The following VPS53 variants were observed in gnomAD, a reference collection of about 807,000 sequenced individuals.
The protein encoded by VPS53 is VPS53 subunit of GARP complex.
A neutral mutation model predicts 107.0 loss-of-function variants in VPS53; 70 were observed. The ratio of observed to expected loss-of-function variants is 0.65; its 90% CI spans 0.54 to 0.80. VPS53 has a LOEUF of 0.80. VPS53 is among the 30% of genes least tolerant of loss of function. The pLI, the probability that VPS53 is intolerant of heterozygous loss-of-function variation, is 0.00. For missense variants in VPS53, 917 were observed against 1,049.4 expected (o/e 0.87, Z 1.74); for synonymous variants, 409 against 393.3 (o/e 1.04, Z -0.47).
intron 11 of VPS53, chr17:616,502 G>C (rs986222535): frequency 3.9e-5 from 6 of 152,376 alleles, no homozygotes; most frequent in Admixed American, 1.3e-4. Flanking sequence ...AAAGGCTCAA[G>C]TGTTCCTAGC....
At chr17:585,715 A>T (rs1436095817) in intron 13 of VPS53, among the ~76,000 whole-genome samples, 2 of 152,142 alleles carry the variant, frequency 1.3e-5, no homozygotes, top group African/African-American at 4.8e-5. Flanking sequence ...GATCAAAGAG[A>T]TCTGACAACG....
At chr17:603,296 C>T (rs1968409188) in intron 11 of VPS53, among the ~76,000 whole-genome samples, 1 of 152,138 alleles carries the variant, frequency 6.6e-6, no homozygotes, top group African/African-American at 2.4e-5. Flanking sequence ...GTGGTAGGCG[C>T]CTGTAATCCC....
At chr17:532,564 ACTT>A (rs1245208353) in intron 19 of VPS53, 10 of 646,572 alleles carry the variant, frequency 1.5e-5, no homozygotes, top group South Asian at 1.1e-4. Context: ...CGGCCCAGCC[ACTT>A]CTTCTTATTG....
At chr17:543,385 A>T (rs1910855959) in intron 17 of VPS53, among the ~76,000 whole-genome samples, 1 of 152,202 alleles carries the variant, frequency 6.6e-6, no homozygotes, top group Non-Finnish European at 1.5e-5. Context: ...AATATAAATT[A>T]TGTGCCAGAC....
At chr17:700,583 T>G (rs1047621890) in intron 2 of VPS53, among the ~76,000 whole-genome samples, 1 of 152,146 alleles carries the variant, frequency 6.6e-6, no homozygotes, top group Non-Finnish European at 1.5e-5. Flanking sequence ...TTTGTCTGTA[T>G]TTTATAATTA....
rs184336923 is a variant in VPS53 at position 620,893 on chromosome 17, C to A, written c.1116+2640G>T. Among the ~76,000 whole-genome samples, 153 of 152,194 alleles carry A rather than the reference C, an allele frequency of 1.0e-3. 1 individual carries two copies. Among genetic ancestry groups the A allele is most frequent in the African/African-American group, 3.4e-3 (143 of 41,518 alleles). ...AAAGTGCTGGGATTATAGGCATGAG[C>A]CACCGCACCCGGCCTCTACATTAGA... On this transcript the variant is annotated intron_variant, in intron 11 of 21. Transcript: ENST00000437048.
At chr17:634,589 C>A (rs1255838112) in intron 7 of VPS53, among the ~76,000 whole-genome samples, 3 of 135,634 alleles carry the variant, frequency 2.2e-5, no homozygotes, top group Non-Finnish European at 4.6e-5. Context: ...TGTTCCCCTT[C>A]CTGTGTCCAA....
intron 19 of VPS53, chr17:523,268 T>C (rs544071719): frequency 7.9e-5 from 12 of 152,482 alleles, no homozygotes; most frequent in African/African-American, 2.9e-4. Context: ...CTTAGGAGAA[T>C]GGAACCACAT....
intron 7 of VPS53, among the ~76,000 whole-genome samples, chr17:632,260 C>T (rs1597406689): frequency 6.6e-6 from 1 of 152,082 alleles, no homozygotes; most frequent in Non-Finnish European, 1.5e-5. Flanking sequence ...AAACAAAACA[C>T]TAACAAACAA....
At chr17:619,949 T>C (rs1969398095) in intron 11 of VPS53, among the ~76,000 whole-genome samples, 1 of 151,252 alleles carries the variant, frequency 6.6e-6, no homozygotes, top group Admixed American at 6.6e-5. Context: ...ATTTCCCGGG[T>C]AGCTGGGACT....
chr17:548,235 G>C (rs999304309), intron 17 of VPS53, among the ~76,000 whole-genome samples: 1 of 152,226 alleles, frequency 6.6e-6, no homozygotes, highest in African/African-American at 2.4e-5. Flanking sequence ...AGAGGCCATG[G>C]GATGCCTTCC....
Position 519,028 on chromosome 17 carries a change from C to G in VPS53, c.*100G>C. On this transcript the variant is annotated 3_prime_UTR_variant, in exon 22 of 22. Coordinates refer to ENST00000437048, the MANE Select transcript of VPS53 (RefSeq NM_001128159.3). This position sits in a 1 kb window ranked among gnomAD's most constrained non-coding sequence, Gnocchi z 5.0. The stretch of plus-strand genomic sequence containing the variant: ...CACATGTCCCAGGAAGTTTGAAGAC[C>G]GACGATGTGAGAGTGCCGGGGAGCA... 2 of 1,312,020 alleles carry G rather than the reference C, an allele frequency of 1.5e-6. No homozygotes were observed. Among genetic ancestry groups the G allele is most frequent in the Non-Finnish European group, 2.0e-6 (2 of 984,868 alleles). The allele number at this position is 1,312,020 out of a possible 1,614,324, so 81.3% of individuals were successfully genotyped here. A position where few individuals can be genotyped will look rare whatever the true frequency, so the allele number is the denominator to read the frequency against.
At chr17:697,523 C>A (rs369170564) in intron 3 of VPS53, 39 bp from the exon 4 acceptor site, 22 of 1,522,496 alleles carry the variant, frequency 1.4e-5, no homozygotes, top group Non-Finnish European at 1.9e-5. Flanking sequence ...TTCAAATAAT[C>A]TTTATTCTAG....
intron 5 of VPS53, among the ~76,000 whole-genome samples, chr17:660,969 C>T (rs1004066335): frequency 1.3e-5 from 2 of 152,052 alleles, no homozygotes; most frequent in South Asian, 2.1e-4. Flanking sequence ...TCTCGGTCTT[C>T]GGGGCAAGCT....
chr17:651,694 C>G (rs974055391), intron 7 of VPS53, among the ~76,000 whole-genome samples: 5 of 152,224 alleles, frequency 3.3e-5, no homozygotes, highest in African/African-American at 1.2e-4. Flanking sequence ...AAGGCAGAGT[C>G]AGAAACGTAG....
At chr17:702,206 T>C (rs1360451784) in intron 2 of VPS53, among the ~76,000 whole-genome samples, 1 of 151,806 alleles carries the variant, frequency 6.6e-6, no homozygotes, top group African/African-American at 2.4e-5. Context: ...ATAGAAAAAT[T>C]AGCCGGGTAT....
chr17:590,868 G>C (rs967983447), intron 12 of VPS53, among the ~76,000 whole-genome samples: 10 of 151,496 alleles, frequency 6.6e-5, no homozygotes, highest in Admixed American at 4.6e-4. Flanking sequence ...GCCCGGCTTT[G>C]GTATCAGGAT....
In VPS53 at chr17:580,877, C is replaced by G. The variant is rs1164604155; in HGVS notation, c.1313+5393G>C. On this transcript the variant is annotated intron_variant, in intron 13 of 21. Transcript: ENST00000437048. ...TCCAAGAGAACCTCCCTCAGAACCT[C>G]AACGCATTCGCAGAGATCAAGACCT... is the stretch of plus-strand genomic sequence containing the variant. Among the ~76,000 whole-genome samples the G allele has an allele frequency of 2.1e-5, 3 of 144,830 alleles. No individual in the cohort carries two copies. The East Asian group carries it at 6.3e-4, about 31-fold the overall frequency.
At chr17:528,313 C>T (rs79285919) in intron 19 of VPS53, among the ~76,000 whole-genome samples, 1 of 152,150 alleles carries the variant, frequency 6.6e-6, no homozygotes, top group Non-Finnish European at 1.5e-5. Flanking sequence ...TACGGATTTG[C>T]CTGTTCTGGA....
Sources: gnomAD v4.1 joint callset for allele counts (sites outside exome capture counted in the v4.1 genomes callset) on GRCh38, gnomAD v4.1.1 for gene constraint, Gnocchi (gnomAD v3.1) non-coding constraint, MANE v1.5 for transcripts, NCBI Gene and HGNC (gene_info 2026-07-23, HGNC 2026-07-21) for gene names.